CDH13: variants seen among roughly 807,000 people sequenced by gnomAD.
The protein encoded by CDH13 is cadherin 13.
In CDH13, 24 loss-of-function variants were observed where a neutral mutation model predicts 63.8. The observed-to-expected ratio is 0.38, with a 90% CI of 0.27 to 0.53. The LOEUF (loss-of-function observed/expected upper bound fraction) is 0.53, where lower values mean the gene tolerates loss of function less well. Ranked by LOEUF, CDH13 falls within the 20% of genes least tolerant of loss-of-function variation. The probability of loss-of-function intolerance (pLI) is 0.85; values close to 1 mark genes in which losing one functional copy is unlikely to be tolerated. For synonymous variants in CDH13, 503 were observed against 355.3 expected, an observed-to-expected ratio of 1.42 and a Z score of -4.67; for missense variants, 1,049 against 903.1, an observed-to-expected ratio of 1.16 and a Z score of -2.07.
chr16:82,851,647 G>A (rs1293426541), intron 1 of CDH13, among the ~76,000 whole-genome samples: 7 of 142,444 alleles, frequency 4.9e-5, no homozygotes, highest in African/African-American at 1.8e-4. Flanking sequence ...CAGCAGGGGC[G>A]TGGACATGAG....
intron 1 of CDH13, among the ~76,000 whole-genome samples, chr16:82,714,779 C>G (rs1007637201): frequency 5.2e-4 from 70 of 133,942 alleles, no homozygotes; most frequent in African/African-American, 1.9e-3. Flanking sequence ...ATGATGGAGG[C>G]AAAAACTGGG....
intron 6 of CDH13, among the ~76,000 whole-genome samples, chr16:83,378,177 G>A (rs1290059964): frequency 4.6e-5 from 7 of 152,176 alleles, no homozygotes; most frequent in Admixed American, 3.9e-4. Context: ...TAGATGCTGT[G>A]CAAGTGCTTT....
At chr16:83,009,874 C>T (rs562751861) in intron 2 of CDH13, among the ~76,000 whole-genome samples, 70 of 152,166 alleles carry the variant, frequency 4.6e-4, no homozygotes, top group Non-Finnish European at 4.9e-4. Context: ...TGGCTCACGC[C>T]TGTAATCTCA....
rs148310096 is a variant in CDH13, at chr16:83,354,071, A to G, written c.781+9065A>G. On this transcript the variant is annotated intron_variant, in intron 6 of 13. Coordinates refer to ENST00000567109, the MANE Select transcript of CDH13 (RefSeq NM_001257.5). Reference sequence around the variant, plus strand: ...GGAGCATTTGTAGCTTCAGAAATGTAGTGATCATTCTACAGTCTTTTGAAA... The same window carrying G: ...GGAGCATTTGTAGCTTCAGAAATGTGGTGATCATTCTACAGTCTTTTGAAA... Among the ~76,000 whole-genome samples the G allele has an allele frequency of 4.7e-3, 713 of 152,394 alleles. 9 individuals are homozygous for G. Among genetic ancestry groups the G allele is most frequent in the African/African-American group, 0.017 (691 of 41,594 alleles).
chr16:83,132,094 T>C (rs1314846393), intron 4 of CDH13, among the ~76,000 whole-genome samples: 1 of 152,184 alleles, frequency 6.6e-6, no homozygotes, highest in East Asian at 1.9e-4. Flanking sequence ...AGGAGTCTGA[T>C]AGTCTTGGAA....
chr16:83,172,973 T>C (rs28431882), intron 4 of CDH13, among the ~76,000 whole-genome samples: 3,874 of 152,198 alleles, frequency 0.025, 180 homozygotes, highest in African/African-American at 0.088. Flanking sequence ...CCCACCTTAG[T>C]CTACCGTTAA....
chr16:82,796,085 G>T (rs148170187), intron 1 of CDH13, among the ~76,000 whole-genome samples: 1 of 152,126 alleles, frequency 6.6e-6, no homozygotes, highest in African/African-American at 2.4e-5. Flanking sequence ...TTCATGTCAG[G>T]TTCCTGTGCC....
chr16:83,423,819 C>A (rs1196005986), intron 6 of CDH13, among the ~76,000 whole-genome samples: 1 of 152,194 alleles, frequency 6.6e-6, no homozygotes, highest in Admixed American at 6.5e-5. Flanking sequence ...GCATTCCTGC[C>A]AATCTTTGGA....
chr16:83,000,968 C>G (rs566381423), intron 2 of CDH13, among the ~76,000 whole-genome samples: 1 of 152,330 alleles, frequency 6.6e-6, no homozygotes, highest in East Asian at 1.9e-4. Context: ...GCGCTTTTCA[C>G]TCTCAGCTAC....
At chr16:83,108,885 C>T (rs1239164660) in intron 3 of CDH13, among the ~76,000 whole-genome samples, 2 of 152,274 alleles carry the variant, frequency 1.3e-5, no homozygotes, top group Non-Finnish European at 2.9e-5. Flanking sequence ...CCTTCCGAGT[C>T]ACAGGTTCTG....
At chr16:83,445,870 A>G (rs530154838) in intron 6 of CDH13, among the ~76,000 whole-genome samples, 1 of 152,314 alleles carries the variant, frequency 6.6e-6, no homozygotes, top group Admixed American at 6.5e-5. Context: ...TAGGAGGAAG[A>G]TGATTCCTAC....
chr16:83,391,001 CT>C (rs2091774822), intron 6 of CDH13, among the ~76,000 whole-genome samples: 1 of 152,134 alleles, frequency 6.6e-6, no homozygotes, highest in African/African-American at 2.4e-5. Flanking sequence ...GATTTAATTG[CT>C]GATTCAAACC....
intron 2 of CDH13, among the ~76,000 whole-genome samples, chr16:82,896,804 G>A (rs1176728320): frequency 3.2e-5 from 4 of 123,988 alleles, no homozygotes; most frequent in Non-Finnish European, 6.6e-5. Context: ...TTTTTGAGAC[G>A]GAGTCTCACT....
chr16:82,764,129 A>G (rs1316220002), intron 1 of CDH13, among the ~76,000 whole-genome samples: 2 of 152,214 alleles, frequency 1.3e-5, no homozygotes, highest in Non-Finnish European at 2.9e-5. Flanking sequence ...TTCTCACCAG[A>G]AGCTACAAAG....
chr16:83,765,267 T>C (rs562183202), intron 11 of CDH13, among the ~76,000 whole-genome samples: 1 of 152,198 alleles, frequency 6.6e-6, no homozygotes. Context: ...AAAATGAAAC[T>C]GTCATGTTTA....
intron 3 of CDH13, among the ~76,000 whole-genome samples, chr16:83,035,075 A>T (rs1916725926): frequency 6.7e-6 from 1 of 149,324 alleles, no homozygotes; most frequent in Non-Finnish European, 1.5e-5. Context: ...TGTCCTTCAT[A>T]AAAACGCCTC....
intron 5 of CDH13, among the ~76,000 whole-genome samples, chr16:83,293,708 T>G (rs2151868121): frequency 6.6e-6 from 1 of 152,330 alleles, no homozygotes; most frequent in Admixed American, 6.5e-5. Flanking sequence ...AACTTATTCA[T>G]TCAGAGCAGG....
At chr16:83,316,288 G>T (rs145027651) in intron 5 of CDH13, among the ~76,000 whole-genome samples, 7 of 152,154 alleles carry the variant, frequency 4.6e-5, no homozygotes, top group African/African-American at 1.7e-4. Context: ...TGACACAGAG[G>T]CAGACCATAT....
At chr16:82,961,396 T>C (rs1313692068) in intron 2 of CDH13, among the ~76,000 whole-genome samples, 5 of 152,136 alleles carry the variant, frequency 3.3e-5, no homozygotes. Context: ...TGTTCTTCTT[T>C]TCTTTAGGCT....
Sources: allele counts gnomAD v4.1 joint callset (sites outside exome capture counted in the v4.1 genomes callset), GRCh38; gene constraint gnomAD v4.1.1; transcripts MANE v1.5; gene names NCBI Gene and HGNC (gene_info 2026-07-23, HGNC 2026-07-21).